Variants in MAGI1 observed in about 807,000 individuals in gnomAD.
MAGI1 encodes membrane associated guanylate kinase, WW and PDZ domain containing 1.
A neutral mutation model predicts 139.9 loss-of-function variants in MAGI1; 58 were observed. The ratio of observed to expected loss-of-function variants is 0.41; its 90% CI spans 0.34 to 0.52. The LOEUF (loss-of-function observed/expected upper bound fraction) is 0.52. MAGI1 is among the 20% of genes least tolerant of loss of function. MAGI1 has a pLI of 0.12. For synonymous variants in MAGI1, 812 were observed against 737.9 expected (o/e 1.10, Z -1.63); for missense variants, 1,874 against 1,901.6 (o/e 0.99, Z 0.27).
chr3:65,687,896 G>T (rs2088199425), intron 1 of MAGI1: 5 of 649,324 alleles, frequency 7.7e-6, no homozygotes, highest in South Asian at 6.8e-5. Flanking sequence ...TCAAGGTATT[G>T]CAGGGTGCCT....
chr3:65,656,027 G>A (rs143434428), intron 1 of MAGI1, among the ~76,000 whole-genome samples: 2 of 152,232 alleles, frequency 1.3e-5, no homozygotes, highest in East Asian at 1.9e-4. Flanking sequence ...CATTAGTGCT[G>A]TCTATGTATG....
chr3:65,860,556 T>A (rs2059523273), intron 1 of MAGI1, among the ~76,000 whole-genome samples: 1 of 151,910 alleles, frequency 6.6e-6, no homozygotes, highest in Non-Finnish European at 1.5e-5. Flanking sequence ...GTCCTCGGAG[T>A]GTGCTGCAGG....
chr3:65,634,732 A>C (rs2084505661), intron 1 of MAGI1, among the ~76,000 whole-genome samples: 1 of 152,208 alleles, frequency 6.6e-6, no homozygotes, highest in African/African-American at 2.4e-5. Flanking sequence ...GGAATTTAAA[A>C]AAATAAGAAC....
chr3:65,469,119 C>A (rs1256646083), intron 5 of MAGI1, among the ~76,000 whole-genome samples: 1 of 152,132 alleles, frequency 6.6e-6, no homozygotes, highest in African/African-American at 2.4e-5. Context: ...ACTTTCTGTG[C>A]CTAGAACTTG....
At position 65,379,683 on chromosome 3, in the gene MAGI1, T is replaced by C. The variant is rs1423765753; in HGVS notation, c.2702-129A>G. 13 of 1,433,778 alleles carry C rather than the reference T, an allele frequency of 9.1e-6. No homozygotes were observed. In the East Asian group the frequency reaches 3.0e-4, roughly 33 times the overall value. The allele number at this position is 1,433,778 out of a possible 1,614,324, so 88.8% of individuals were successfully genotyped here. A position where few individuals can be genotyped will look rare whatever the true frequency, so the allele number is the denominator to read the frequency against. On this transcript the variant is annotated intron_variant, in intron 16 of 22. Coordinates refer to ENST00000402939, the MANE Select transcript of MAGI1 (RefSeq NM_001033057.2). ...CCGAGGGGAGGAGACAGCACCTGGT[T>C]TCACAATACCTGGATATACGGATTG... is the stretch of plus-strand genomic sequence containing the variant.
At chr3:65,361,707 A>G (rs541020273) in intron 21 of MAGI1, among the ~76,000 whole-genome samples, 46 of 152,350 alleles carry the variant, frequency 3.0e-4, no homozygotes, top group Non-Finnish European at 5.3e-4. Flanking sequence ...TAAACAGAAT[A>G]TGGCAAACAT....
chr3:65,392,456 AG>A lies in MAGI1; in HGVS notation c.2200-1099del, dbSNP rs1944005193. 4.6e-5 allele frequency among the ~76,000 whole-genome samples: 7 copies of A among 152,312 alleles called. No homozygotes were observed. The East Asian group carries it at 9.7e-4, about 21-fold the overall frequency. On this transcript the variant is annotated intron_variant, in intron 13 of 22. Transcript: ENST00000402939. ...CATTGTATGGGGTAGAGGACAGGAA[AG>A]GGCTCTCCATTCTCTTTTATAGATC...
At chr3:65,785,132 G>A (rs1433511897) in intron 1 of MAGI1, among the ~76,000 whole-genome samples, 3 of 152,144 alleles carry the variant, frequency 2.0e-5, no homozygotes, top group African/African-American at 4.8e-5. Context: ...TCTCAATACC[G>A]CTATTTAAAA....
At chr3:65,413,069 C>T (rs890227601) in intron 12 of MAGI1, among the ~76,000 whole-genome samples, 1 of 132,048 alleles carries the variant, frequency 7.6e-6, no homozygotes, top group Admixed American at 7.8e-5. Context: ...CTACAAAAAG[C>T]GAACACATGC....
chr3:65,490,857 AG>A lies in MAGI1; in HGVS notation c.550+2654del, dbSNP rs200788545. Among the ~76,000 whole-genome samples, 14 of 146,296 alleles carry A rather than the reference AG, an allele frequency of 9.6e-5. 4 individuals are homozygous for A. The highest frequency in any genetic ancestry group is 2.2e-4 in the South Asian group (1 of 4,648). On this transcript the variant is annotated intron_variant, in intron 3 of 22. Coordinates refer to ENST00000402939, the MANE Select transcript of MAGI1 (RefSeq NM_001033057.2). ...AGACTCTGTCTCAAAAAAAAAAAAA[AG>A]AAAAAAGAAAGAAAAATTATGAGCC...
intron 1 of MAGI1, among the ~76,000 whole-genome samples, chr3:65,997,496 T>C (rs1218518140): frequency 1.3e-5 from 2 of 151,676 alleles, no homozygotes; most frequent in Admixed American, 1.3e-4. Context: ...CTCTACTAAA[T>C]ATACAAAAAA....
At chr3:65,879,412 G>T (rs1018114745) in intron 1 of MAGI1, among the ~76,000 whole-genome samples, 1 of 152,028 alleles carries the variant, frequency 6.6e-6, no homozygotes, top group Non-Finnish European at 1.5e-5. Context: ...GCGATTAAGG[G>T]AAGAAACAGG....
At chr3:65,463,890 C>G (rs1352462550) in intron 5 of MAGI1, among the ~76,000 whole-genome samples, 1 of 145,654 alleles carries the variant, frequency 6.9e-6, no homozygotes, top group Non-Finnish European at 1.6e-5. Flanking sequence ...TCCATTTCTT[C>G]TAGATTTTCT....
At chr3:65,872,438 CTCTT>C (rs1318744753) in intron 1 of MAGI1, among the ~76,000 whole-genome samples, 1 of 152,218 alleles carries the variant, frequency 6.6e-6, no homozygotes, top group Non-Finnish European at 1.5e-5. Context: ...TCATCAATTT[CTCTT>C]TCTCTTTCCT....
chr3:65,848,552 C>T (rs2059087167), intron 1 of MAGI1, among the ~76,000 whole-genome samples: 1 of 150,590 alleles, frequency 6.6e-6, no homozygotes, highest in South Asian at 2.1e-4. Context: ...CAACTGCTCT[C>T]TTAAGTTACC....
intron 2 of MAGI1, among the ~76,000 whole-genome samples, chr3:65,530,684 T>TAC (rs1559642393): frequency 7.0e-6 from 1 of 143,052 alleles, no homozygotes; most frequent in Admixed American, 7.3e-5. Context: ...CATATATATA[T>TAC]ACGTGTATAT....
At chr3:65,846,598 T>C (rs1047654059) in intron 1 of MAGI1, among the ~76,000 whole-genome samples, 1 of 152,214 alleles carries the variant, frequency 6.6e-6, no homozygotes, top group Non-Finnish European at 1.5e-5. Flanking sequence ...CCAGCAGTCA[T>C]GATCACCAAT....
At chr3:65,431,553 A>C (rs1181178077) in intron 10 of MAGI1, among the ~76,000 whole-genome samples, 1 of 152,148 alleles carries the variant, frequency 6.6e-6, no homozygotes, top group Non-Finnish European at 1.5e-5. Context: ...TGTTTAAAAC[A>C]AGTTTAGGAT....
intron 1 of MAGI1, among the ~76,000 whole-genome samples, chr3:65,903,850 A>T (rs1408247528): frequency 6.6e-6 from 1 of 152,032 alleles, no homozygotes; most frequent in Non-Finnish European, 1.5e-5. Context: ...TCTACTAAAA[A>T]TACAAAAATT....
Sources: allele counts gnomAD v4.1 joint callset (sites outside exome capture counted in the v4.1 genomes callset), GRCh38; gene constraint gnomAD v4.1.1; transcripts MANE v1.5; gene names NCBI Gene and HGNC (gene_info 2026-07-23, HGNC 2026-07-21).